Variants in OR1M1 observed in about 807,000 individuals in gnomAD.
OR1M1 encodes olfactory receptor 1M1.
For synonymous variants in OR1M1, 157 were observed against 165.5 expected, an observed-to-expected ratio of 0.95 and a Z score of 0.39; for missense variants, 397 against 401.8, an observed-to-expected ratio of 0.99 and a Z score of 0.10.
chr19:9,091,779 A>T (rs866695108), intron 1 of OR1M1, among the ~76,000 whole-genome samples: 14 of 152,312 alleles, frequency 9.2e-5, no homozygotes, highest in Admixed American at 2.6e-4. Flanking sequence ...AAACACAGGT[A>T]TCTGGAAGGA....
chr19:9,091,477 G>A (rs2050292729), intron 1 of OR1M1, among the ~76,000 whole-genome samples: 1 of 152,072 alleles, frequency 6.6e-6, no homozygotes, highest in African/African-American at 2.4e-5. Context: ...TACTCAGCTG[G>A]GTTAAACCCC....
rs2050310703 is a variant in OR1M1, at chr19:9,093,816, A to G, written c.572A>G (p.Asp191Gly). 6.2e-7 allele frequency: 1 copy of G among 1,613,894 alleles called. No individual in the cohort carries two copies. Among genetic ancestry groups the G allele is most frequent in the African/African-American group, 1.3e-5 (1 of 74,916 alleles). Residue 191 changes from aspartate to glycine, a missense_variant, in exon 2 of 2, where the codon GAC becomes GGC. Transcript: ENST00000641627. ...CCCATCCTCCGACTTTCGTGCACGG[A>G]CACCTCTGTGAATAGGATCTTCATC... ...LTPILRLSCT[D>G]TSVNRIFILI...
chr19:9,093,556 C>T lies in OR1M1; in HGVS notation c.312C>T (p.Phe104=), dbSNP rs2050307357. The change falls in exon 2 of 2, where the codon TTC becomes TTT. Residue 104 remains phenylalanine (F), a synonymous_variant. Transcript: ENST00000641627. ...GCTGCCTGATCCAGATGTACTTCTT[C>T]CATTTCTTTGGCATCGTGGACAGCG... is the stretch of plus-strand genomic sequence containing the variant. The part of the protein sequence containing the change: ...YPCCLIQMYF[F]HFFGIVDSVI... 1 of 1,614,160 alleles carries T rather than the reference C, an allele frequency of 6.2e-7. No individual in the cohort carries two copies.
At chr19:9,091,122 G>A (rs2335069) in intron 1 of OR1M1, among the ~76,000 whole-genome samples, 22,122 of 151,708 alleles carry the variant, frequency 0.15, 1,920 homozygotes, top group East Asian at 0.24. Context: ...AGCCGAGATC[G>A]TGCCACCGCA....
chr19:9,090,948 C>T (rs753179680), intron 1 of OR1M1, among the ~76,000 whole-genome samples: 27 of 151,610 alleles, frequency 1.8e-4, no homozygotes, highest in Admixed American at 1.1e-3. Context: ...GGGCAGATCA[C>T]GAGGTCAGGA....
intron 1 of OR1M1, among the ~76,000 whole-genome samples, chr19:9,088,537 G>A (rs2050276233): frequency 1.3e-5 from 2 of 152,168 alleles, no homozygotes; most frequent in African/African-American, 2.4e-5. Context: ...TCAGTTCCTT[G>A]ATTCCATTAG....
Position 9,090,844 on chromosome 19 carries a change from AGAG to A in OR1M1, c.-13-2384_-13-2382del, listed in dbSNP as rs560472909. Reference sequence around the variant, plus strand: ...AGCCTTTCATTTAGGGTGTCTGGAAAGAGGAGATGACTGGAAATGACTATAAAA... The same window carrying A: ...AGCCTTTCATTTAGGGTGTCTGGAAAGAGATGACTGGAAATGACTATAAAA... On this transcript the variant is annotated intron_variant, in intron 1 of 1. Coordinates refer to ENST00000641627, the MANE Select transcript of OR1M1 (RefSeq NM_001004456.2). Among the ~76,000 whole-genome samples, 49 of 152,028 alleles carry A rather than the reference AGAG, an allele frequency of 3.2e-4. No homozygotes were observed. In the East Asian group the frequency reaches 7.0e-3, roughly 22 times the overall value.
At position 9,093,641 on chromosome 19, in the gene OR1M1, G is replaced by C. The variant is rs754863155; in HGVS notation, c.397G>C (p.Ala133Pro). ...GGCCATCTGCCACCCATTGCACTAC[G>C]CCAAGATCATGAGCCTACGCCTCTG... ...FVAICHPLHY[A>P]KIMSLRLCRL... The change falls in exon 2 of 2, where the codon GCC (alanine) becomes CCC (proline). Residue 133 changes from alanine (A) to proline (P), a missense_variant. By Grantham distance (27) the Ala-to-Pro change is conservative. Coordinates refer to ENST00000641627, the MANE Select transcript of OR1M1 (RefSeq NM_001004456.2). 4.3e-6 allele frequency: 7 copies of C among 1,614,058 alleles called. No homozygotes were observed. The highest frequency in any genetic ancestry group is 5.1e-6 in the Non-Finnish European group (6 of 1,180,018).
Position 9,094,016 on chromosome 19 carries a change from G to A in OR1M1, c.772G>A (p.Val258Ile), listed in dbSNP as rs144608760. Residue 258 changes from valine to isoleucine, a missense_variant, in exon 2 of 2, where the codon GTC becomes ATC. Coordinates refer to ENST00000641627, the MANE Select transcript of OR1M1 (RefSeq NM_001004456.2). ...VALFYGTTIG[V>I]YLCPSSVLTT... ...TCTCTTCTATGGGACCACCATTGGC[G>A]TCTATCTGTGTCCCTCCTCGGTCCT... is the stretch of plus-strand genomic sequence containing the variant. 62 of 1,613,954 alleles carry A rather than the reference G, an allele frequency of 3.8e-5. No individual in the cohort carries two copies. The highest frequency in any genetic ancestry group is 8.9e-5 in the East Asian group (4 of 44,866).
intron 1 of OR1M1, among the ~76,000 whole-genome samples, chr19:9,087,366 C>T (rs2050270162): frequency 6.6e-6 from 1 of 152,186 alleles, no homozygotes; most frequent in South Asian, 2.1e-4. Context: ...CAGCTTCTAC[C>T]TCCTGGGCTT....
At chr19:9,090,117 C>A (rs1356473625) in intron 1 of OR1M1, among the ~76,000 whole-genome samples, 1 of 152,162 alleles carries the variant, frequency 6.6e-6, no homozygotes, top group African/African-American at 2.4e-5. Flanking sequence ...TACAGGATAA[C>A]CATCACTGAT....
intron 1 of OR1M1, among the ~76,000 whole-genome samples, chr19:9,088,613 C>G (rs556705976): frequency 6.6e-6 from 1 of 152,058 alleles, no homozygotes; most frequent in African/African-American, 2.4e-5. Flanking sequence ...CGGCCAGGCA[C>G]GGTGGCTCAC....
chr19:9,093,906 T>C lies in OR1M1; in HGVS notation c.662T>C (p.Ile221Thr), dbSNP rs1399898310. ...TGCATCCTGGCCTCCTATGCTCGCA[T>C]CCTTGTGGCCATCATGAAGGTCCCC... is the stretch of plus-strand genomic sequence containing the variant. The part of the protein sequence containing the change: ...FVCILASYAR[I>T]LVAIMKVPSA... The change falls in exon 2 of 2, where the codon ATC becomes ACC. Residue 221 changes from isoleucine to threonine, a missense_variant. Ile to Thr is a moderately conservative substitution (Grantham distance 89). Coordinates refer to ENST00000641627, the MANE Select transcript of OR1M1 (RefSeq NM_001004456.2). The C allele has an allele frequency of 3.1e-6, 5 of 1,614,152 alleles. No homozygotes were observed. The highest frequency in any genetic ancestry group is 2.7e-5 in the African/African-American group (2 of 75,046).
chr19:9,090,525 A>G (rs1238092209), intron 1 of OR1M1, among the ~76,000 whole-genome samples: 7 of 152,102 alleles, frequency 4.6e-5, no homozygotes, highest in Admixed American at 1.3e-4. Context: ...CAGTGGCGCA[A>G]TCGGGGCTCA....
chr19:9,092,588 G>T (rs2050299300), intron 1 of OR1M1, among the ~76,000 whole-genome samples: 1 of 152,096 alleles, frequency 6.6e-6, no homozygotes, highest in African/African-American at 2.4e-5. Flanking sequence ...GGGTGACACA[G>T]CAAGACCCTG....
intron 1 of OR1M1, among the ~76,000 whole-genome samples, chr19:9,090,938 G>A (rs1049601880): frequency 6.6e-6 from 1 of 151,584 alleles, no homozygotes; most frequent in African/African-American, 2.4e-5. Flanking sequence ...AGGCCAAGGC[G>A]GGCAGATCAC....
rs538384256 is a variant in OR1M1, at chr19:9,090,937, C to T, written c.-13-2295C>T. Among the ~76,000 whole-genome samples the T allele has an allele frequency of 2.0e-4, 30 of 151,592 alleles. No individual in the cohort carries two copies. The East Asian group carries it at 3.0e-3, about 15-fold the overall frequency. On this transcript the variant is annotated intron_variant, in intron 1 of 1. Coordinates refer to ENST00000641627, the MANE Select transcript of OR1M1 (RefSeq NM_001004456.2). Reference sequence around the variant, plus strand: ...ATCCCAGCACTTTGAGAGGCCAAGGCGGGCAGATCACGAGGTCAGGAGATC... The same window carrying T: ...ATCCCAGCACTTTGAGAGGCCAAGGTGGGCAGATCACGAGGTCAGGAGATC...
At position 9,094,210 on chromosome 19, in the gene OR1M1, G is replaced by A. The variant is rs753364771; in HGVS notation, c.*24G>A. On this transcript the variant is annotated 3_prime_UTR_variant, in exon 2 of 2. Coordinates refer to ENST00000641627, the MANE Select transcript of OR1M1 (RefSeq NM_001004456.2). ...GACCACCAGGACTCAGGAACTTCTG[G>A]GGGGTAGAATATATACATCTGGGAG... The A allele has an allele frequency of 1.3e-5, 19 of 1,482,928 alleles. No individual in the cohort carries two copies. In the African/African-American group the frequency reaches 2.6e-4, roughly 21 times the overall value. 91.9% of individuals were successfully genotyped at this position (1,482,928 alleles called of 1,614,324 possible).
chr19:9,089,800 C>CTG, intron 1 of OR1M1, among the ~76,000 whole-genome samples: 1 of 152,210 alleles, frequency 6.6e-6, no homozygotes, highest in South Asian at 2.1e-4. Flanking sequence ...CTCAGGGGTG[C>CTG]TGTGTGTGGG....
Sources: gnomAD v4.1 joint callset for allele counts (sites outside exome capture counted in the v4.1 genomes callset) on GRCh38, gnomAD v4.1.1 for gene constraint, MANE v1.5 for transcripts, NCBI Gene and HGNC (gene_info 2026-07-23, HGNC 2026-07-21) for gene names.